ADAM9: variants seen among roughly 807,000 people sequenced by gnomAD.
The protein encoded by ADAM9 is ADAM metallopeptidase domain 9, also known as disintegrin and metalloproteinase domain-containing protein 9.
In ADAM9, 54 loss-of-function variants were observed where a neutral mutation model predicts 108.1. That is an observed-to-expected ratio of 0.50 (90% CI 0.40 to 0.63). The LOEUF (loss-of-function observed/expected upper bound fraction) is 0.63, where lower values mean the gene tolerates loss of function less well. ADAM9 is among the 20% of genes least tolerant of loss of function. ADAM9 has a pLI of 0.00. For missense variants in ADAM9, 830 were observed against 997.7 expected, an observed-to-expected ratio of 0.83 and a Z score of 2.26; for synonymous variants, 316 against 336.0, an observed-to-expected ratio of 0.94 and a Z score of 0.65.
chr8:39,019,226 T>G (rs1025522076), intron 7 of ADAM9, among the ~76,000 whole-genome samples: 19 of 152,338 alleles, frequency 1.2e-4, no homozygotes, highest in Middle Eastern at 3.4e-3. Context: ...TGAGAACTTT[T>G]CAGATTACTT....
At chr8:39,045,284 ATGTGTGTGTACACCTATACATG>A (rs1256482362) in intron 12 of ADAM9, among the ~76,000 whole-genome samples, 1 of 93,728 alleles carries the variant, frequency 1.1e-5, no homozygotes, top group African/African-American at 4.9e-5. Context: ...ACATATGTAT[ATGTGTGTGTACACCTATACATG>A]TGTGTGTACA....
chr8:39,043,347 C>T (rs772119253), intron 12 of ADAM9, among the ~76,000 whole-genome samples: 7 of 152,276 alleles, frequency 4.6e-5, no homozygotes, highest in Non-Finnish European at 8.8e-5. Context: ...AAAGAACCTT[C>T]GTACTATTTT....
At chr8:39,030,635 T>C (rs534831527) in intron 11 of ADAM9, among the ~76,000 whole-genome samples, 10 of 152,332 alleles carry the variant, frequency 6.6e-5, no homozygotes, top group Non-Finnish European at 1.2e-4. Context: ...CTGGATCATA[T>C]GTTAAGAGAG....
In ADAM9 at chr8:39,017,405, G is replaced by C; in HGVS notation, c.597G>C (p.Gln199His). Reference protein sequence around the residue: ...DEEEEPPSMTQLLRRRRAVLP... With the variant: ...DEEEEPPSMTHLLRRRRAVLP... ...AGGAAGAGCCTCCCAGCATGACTCA[G>C]CTACTTCGAGTAAGGAAATAACATA... is the stretch of plus-strand genomic sequence containing the variant. Residue 199 changes from glutamine to histidine, a missense_variant, in exon 6 of 22, where the codon CAG becomes CAC. Transcript: ENST00000487273. 1.2e-6 allele frequency: 2 copies of C among 1,613,808 alleles called. No homozygotes were observed. Among genetic ancestry groups the C allele is most frequent in the Non-Finnish European group, 1.7e-6 (2 of 1,179,834 alleles).
chr8:39,091,464 AG>A, intron 20 of ADAM9, 118 bp downstream of exon 20: 1 of 958,764 alleles, frequency 1.0e-6, no homozygotes, highest in South Asian at 1.4e-5. Flanking sequence ...TAAGAATTCA[AG>A]AGTATTGTAG....
At chr8:39,062,416 C>G (rs1186248264) in intron 14 of ADAM9, among the ~76,000 whole-genome samples, 1 of 152,106 alleles carries the variant, frequency 6.6e-6, no homozygotes, top group Non-Finnish European at 1.5e-5. Context: ...TTTACTTGGC[C>G]TAGAGTTTTC....
intron 18 of ADAM9, among the ~76,000 whole-genome samples, chr8:39,086,934 T>C (rs1008603729): frequency 2.0e-5 from 3 of 152,228 alleles, no homozygotes; most frequent in African/African-American, 4.8e-5. Context: ...GAGCAAGTGC[T>C]CTTCCTAGTC....
intron 20 of ADAM9, among the ~76,000 whole-genome samples, chr8:39,099,668 T>A (rs35245993): frequency 0.17 from 26,506 of 152,156 alleles, 2,913 homozygotes; most frequent in South Asian, 0.31. Flanking sequence ...AAAATTTTTT[T>A]AAATTAATTT....
intron 18 of ADAM9, among the ~76,000 whole-genome samples, chr8:39,089,021 G>A (rs150584974): frequency 0.051 from 7,691 of 152,166 alleles, 254 homozygotes; most frequent in Non-Finnish European, 0.071. Context: ...AGGCCGAGGC[G>A]GGCAGATCAT....
At chr8:39,060,668 T>C (rs902645652) in intron 14 of ADAM9, among the ~76,000 whole-genome samples, 4 of 152,250 alleles carry the variant, frequency 2.6e-5, no homozygotes, top group African/African-American at 9.6e-5. Flanking sequence ...TGCAAATATC[T>C]TGCCAGTGAC....
At chr8:39,010,683 C>T (rs1564230455) in intron 2 of ADAM9, among the ~76,000 whole-genome samples, 2 of 152,064 alleles carry the variant, frequency 1.3e-5, no homozygotes, top group Non-Finnish European at 2.9e-5. Context: ...TTCAGAGTTG[C>T]CTGAGGTAGA....
intron 20 of ADAM9, among the ~76,000 whole-genome samples, chr8:39,093,497 T>C (rs1839413763): frequency 6.6e-6 from 1 of 152,176 alleles, no homozygotes; most frequent in Admixed American, 6.5e-5. Flanking sequence ...GTTGACTCTT[T>C]AGGGTTTTCT....
At chr8:39,102,005 T>A in intron 21 of ADAM9, 75 bp downstream of exon 21, 3 of 1,243,442 alleles carry the variant, frequency 2.4e-6, no homozygotes, top group Non-Finnish European at 3.5e-6. Context: ...TTCCCCTGTA[T>A]TTTAATGTAA....
intron 1 of ADAM9, among the ~76,000 whole-genome samples, chr8:39,005,954 C>G (rs1287815917): frequency 1.3e-5 from 2 of 152,208 alleles, no homozygotes; most frequent in Non-Finnish European, 2.9e-5. Flanking sequence ...CAGAGCTCAG[C>G]CATGGGTTTG....
chr8:39,040,684 G>C (rs1432740786), intron 11 of ADAM9, among the ~76,000 whole-genome samples: 1 of 152,152 alleles, frequency 6.6e-6, no homozygotes, highest in Non-Finnish European at 1.5e-5. Flanking sequence ...TATCTTTGCT[G>C]TGCAGAGCTT....
At chr8:39,017,171 T>G in intron 5 of ADAM9, 48 bp from the exon 6 acceptor site, 1 of 1,597,798 alleles carries the variant, frequency 6.3e-7, no homozygotes, top group Non-Finnish European at 8.6e-7. Flanking sequence ...TGATTCCTTG[T>G]GTATTTTCTT....
Position 39,037,458 on chromosome 8 carries a change from G to T in ADAM9, c.1131-4488G>T, listed in dbSNP as rs111267696. On this transcript the variant is annotated intron_variant, in intron 11 of 21. Transcript: ENST00000487273. ...TATATTTAAGTGTGTGTGTGTGTGT[G>T]TTTTTTTTTTTTTTTTGGAGACAGG... is the stretch of plus-strand genomic sequence containing the variant. 6.7e-3 allele frequency among the ~76,000 whole-genome samples: 844 copies of T among 126,510 alleles called. 13 individuals carry two copies. The highest frequency in any genetic ancestry group is 0.024 in the African/African-American group (744 of 31,158). 83.0% of individuals were successfully genotyped at this position (126,510 alleles called of 152,430 possible).
chr8:39,003,936 C>G (rs551704421), intron 1 of ADAM9, among the ~76,000 whole-genome samples: 1 of 151,758 alleles, frequency 6.6e-6, no homozygotes, highest in African/African-American at 2.4e-5. Context: ...TTGGCAGTCT[C>G]GGTAAAAGAT....
chr8:39,094,578 A>T (rs1463377697), intron 20 of ADAM9, among the ~76,000 whole-genome samples: 3 of 152,142 alleles, frequency 2.0e-5, no homozygotes, highest in Non-Finnish European at 4.4e-5. Context: ...GAGACTTTTT[A>T]AAGTTACTAA....
Sources: allele counts gnomAD v4.1 joint callset (sites outside exome capture counted in the v4.1 genomes callset), GRCh38; gene constraint gnomAD v4.1.1; transcripts MANE v1.5; gene names NCBI Gene and HGNC (gene_info 2026-07-23, HGNC 2026-07-21).